The following KALRN variants were observed in gnomAD, a reference collection of about 807,000 sequenced individuals.
The protein encoded by KALRN is kalirin RhoGEF kinase.
In KALRN, 70 loss-of-function variants were observed where a neutral mutation model predicts 353.7. That is an observed-to-expected ratio of 0.20 (90% CI 0.16 to 0.24). The LOEUF (loss-of-function observed/expected upper bound fraction) is 0.24. Ranked by LOEUF, KALRN falls within the 10% of genes least tolerant of loss-of-function variation. The pLI, the probability that KALRN is intolerant of heterozygous loss-of-function variation, is 1.00. For synonymous variants in KALRN, 1,391 were observed against 1,434.8 expected, an observed-to-expected ratio of 0.97 and a Z score of 0.69; for missense variants, 2,791 against 3,756.7, an observed-to-expected ratio of 0.74 and a Z score of 6.72.
intron 57 of KALRN, among the ~76,000 whole-genome samples, chr3:124,704,995 T>C (rs2062528883): frequency 6.6e-6 from 1 of 152,216 alleles, no homozygotes; most frequent in South Asian, 2.1e-4. Context: ...CTCTGGTAAT[T>C]AAATACTATA....
intron 34 of KALRN, among the ~76,000 whole-genome samples, chr3:124,599,549 A>G (rs377657205): frequency 3.0e-4 from 45 of 152,294 alleles, no homozygotes; most frequent in Middle Eastern, 3.4e-3. Context: ...TCCTGCTGCG[A>G]TAACTGTTAT....
chr3:124,142,828 G>A (rs2066802710), intron 1 of KALRN, among the ~76,000 whole-genome samples: 2 of 152,166 alleles, frequency 1.3e-5, no homozygotes, highest in East Asian at 1.9e-4. Context: ...GCATAGCAAC[G>A]AGTTTGGTTT....
Position 124,490,901 on chromosome 3 carries a change from G to T in KALRN, c.4587+17G>T. ...AAGCTACTGGTAGGTGGGGCAGGTGGGGTAAGACAAGACTCCCTGCTTTCA... is the reference window on the plus strand; with the variant it reads ...AAGCTACTGGTAGGTGGGGCAGGTGTGGTAAGACAAGACTCCCTGCTTTCA... On this transcript the variant is annotated intron_variant, in intron 30 of 59. Transcript: ENST00000682506. 1 of 1,598,046 alleles carries T rather than the reference G, an allele frequency of 6.3e-7. No homozygotes were observed. Among genetic ancestry groups the T allele is most frequent in the South Asian group, 1.1e-5 (1 of 89,800 alleles).
chr3:124,211,845 T>C (rs1203290465), intron 1 of KALRN, among the ~76,000 whole-genome samples: 1 of 152,148 alleles, frequency 6.6e-6, no homozygotes, highest in Non-Finnish European at 1.5e-5. Context: ...CTCTATTGAC[T>C]GAAAAGCATA....
At chr3:124,563,977 G>A (rs2072392665) in intron 34 of KALRN, among the ~76,000 whole-genome samples, 1 of 145,628 alleles carries the variant, frequency 6.9e-6, no homozygotes, top group Non-Finnish European at 1.5e-5. Context: ...CTGCACTCCA[G>A]CCTGGGCAAC....
chr3:124,338,547 T>A (rs565741833), intron 9 of KALRN, among the ~76,000 whole-genome samples: 44 of 152,350 alleles, frequency 2.9e-4, no homozygotes, highest in African/African-American at 1.0e-3. Flanking sequence ...AGGAGTGTTT[T>A]ACTTCCAATT....
At chr3:124,164,155 C>A in intron 1 of KALRN, 1 of 180,904 alleles carries the variant, frequency 5.5e-6, no homozygotes, top group Non-Finnish European at 1.1e-5. Context: ...CTGTGCACTG[C>A]CAGGGGAAAG....
At chr3:124,420,452 G>A (rs2092726177) in intron 14 of KALRN, among the ~76,000 whole-genome samples, 1 of 152,212 alleles carries the variant, frequency 6.6e-6, no homozygotes, top group Non-Finnish European at 1.5e-5. Flanking sequence ...TTTCCAGAAA[G>A]TAAAGATAAG....
rs145976211 is a variant in KALRN, at chr3:124,264,582, G to T, written c.348G>T (p.Thr116=). The change falls in exon 4 of 60, where the codon ACG becomes ACT. Residue 116 remains threonine (T), a synonymous_variant. Coordinates refer to ENST00000682506, the MANE Select transcript of KALRN (RefSeq NM_001388419.1). Reference sequence around the variant, plus strand: ...ACCTCATCAAGCCCCTCCTCAAAACGCTGCAGGAAGCCTTTCCAGCTGAGA... The same window carrying T: ...ACCTCATCAAGCCCCTCCTCAAAACTCTGCAGGAAGCCTTTCCAGCTGAGA... ...KWDLIKPLLK[T]LQEAFPAEIH... is the part of the protein sequence containing the mutation. 3 of 1,614,106 alleles carry T rather than the reference G, an allele frequency of 1.9e-6. No homozygotes were observed. Among genetic ancestry groups the T allele is most frequent in the Non-Finnish European group, 2.5e-6 (3 of 1,180,020 alleles).
intron 7 of KALRN, 146 bp downstream of exon 7, chr3:124,326,317 C>A: frequency 1.8e-6 from 1 of 557,506 alleles, no homozygotes; most frequent in Non-Finnish European, 3.0e-6. Context: ...GTCATTGCAA[C>A]AATAACCTAT....
chr3:124,710,875 A>G (rs1579068385), intron 57 of KALRN, among the ~76,000 whole-genome samples: 1 of 152,356 alleles, frequency 6.6e-6, no homozygotes, highest in East Asian at 1.9e-4. Context: ...AACTTTGACA[A>G]CTACAAACCT....
intron 37 of KALRN, among the ~76,000 whole-genome samples, chr3:124,638,207 C>G (rs756779311): frequency 7.2e-5 from 11 of 152,104 alleles, no homozygotes; most frequent in Non-Finnish European, 1.0e-4. Context: ...GATGGATGCT[C>G]TCTATGGAAA....
intron 2 of KALRN, among the ~76,000 whole-genome samples, chr3:124,228,463 A>G (rs2078818875): frequency 6.6e-6 from 1 of 152,194 alleles, no homozygotes; most frequent in South Asian, 2.1e-4. Flanking sequence ...TGTCCTGGCA[A>G]AGGGAACTCA....
intron 34 of KALRN, among the ~76,000 whole-genome samples, chr3:124,607,177 T>C (rs924225916): frequency 2.6e-5 from 4 of 152,208 alleles, no homozygotes; most frequent in Non-Finnish European, 4.4e-5. Context: ...AGGGGAATGA[T>C]TGTGGTATAA....
At chr3:124,532,276 T>C (rs951109923) in intron 33 of KALRN, among the ~76,000 whole-genome samples, 1 of 152,242 alleles carries the variant, frequency 6.6e-6, no homozygotes, top group Non-Finnish European at 1.5e-5. Context: ...TTGCATGACA[T>C]TGCTCTAGAA....
At chr3:124,204,700 C>T (rs574022438) in intron 1 of KALRN, among the ~76,000 whole-genome samples, 7 of 151,712 alleles carry the variant, frequency 4.6e-5, no homozygotes, top group Non-Finnish European at 7.4e-5. Context: ...GCTAACTGCA[C>T]GTTTTTCTTT....
chr3:124,690,662 C>CTG (rs2061765554), intron 51 of KALRN, among the ~76,000 whole-genome samples: 1 of 152,238 alleles, frequency 6.6e-6, no homozygotes, highest in Non-Finnish European at 1.5e-5. Flanking sequence ...TCCTCTGTCA[C>CTG]TGTGATCTTA....
At chr3:124,691,905 A>T (rs1403626500) in intron 51 of KALRN, among the ~76,000 whole-genome samples, 1 of 151,810 alleles carries the variant, frequency 6.6e-6, no homozygotes, top group African/African-American at 2.4e-5. Flanking sequence ...CACACAGAGA[A>T]CTCTTTTAGG....
intron 14 of KALRN, among the ~76,000 whole-genome samples, chr3:124,419,140 T>A (rs1287305233): frequency 6.6e-6 from 1 of 151,846 alleles, no homozygotes; most frequent in Non-Finnish European, 1.5e-5. Context: ...CTAACAGCAT[T>A]AAAGCCACCA....
Sources: gnomAD v4.1 joint callset for allele counts (sites outside exome capture counted in the v4.1 genomes callset) on GRCh38, gnomAD v4.1.1 for gene constraint, MANE v1.5 for transcripts, NCBI Gene and HGNC (gene_info 2026-07-23, HGNC 2026-07-21) for gene names.